Variants in INVS observed in about 807,000 individuals in gnomAD.
INVS encodes the protein inversion of embryo turning homolog.
A neutral mutation model predicts 108.8 loss-of-function variants in INVS; 86 were observed. That is an observed-to-expected ratio of 0.79 (90% CI 0.66 to 0.95). The LOEUF is 0.95. Among genes scored for constraint, INVS ranks in the 40% least tolerant of loss-of-function variants. The pLI, the probability that INVS is intolerant of heterozygous loss-of-function variation, is 0.00. For missense variants in INVS, 1,169 were observed against 1,297.4 expected, an observed-to-expected ratio of 0.90 and a Z score of 1.52; for synonymous variants, 455 against 473.5, an observed-to-expected ratio of 0.96 and a Z score of 0.51.
chr9:100,152,459 T>C (rs1298423121), intron 3 of INVS, among the ~76,000 whole-genome samples: 1 of 152,204 alleles, frequency 6.6e-6, no homozygotes, highest in African/African-American at 2.4e-5. Context: ...AAAATAAACT[T>C]CACTAATTTA....
chr9:100,114,152 T>C (rs369001588), intron 2 of INVS, among the ~76,000 whole-genome samples: 1 of 152,178 alleles, frequency 6.6e-6, no homozygotes, highest in Admixed American at 6.5e-5. Flanking sequence ...CGTATACAGT[T>C]ATTTAATTTT....
intron 3 of INVS, among the ~76,000 whole-genome samples, chr9:100,146,086 T>TC (rs34075098): frequency 0.066 from 9,987 of 151,638 alleles, 513 homozygotes; most frequent in Admixed American, 0.17. Flanking sequence ...CCAAGGGAGG[T>TC]CCCCCCGATC....
In INVS at chr9:100,300,558, T is replaced by C. The variant is rs780445470; in HGVS notation, c.3092-10T>C. 1 of 1,560,170 alleles carries C rather than the reference T, an allele frequency of 6.4e-7. No homozygotes were observed. The highest frequency in any genetic ancestry group is 1.1e-5 in the South Asian group (1 of 89,968). On this transcript the variant is annotated splice_polypyrimidine_tract_variant and intron_variant, in intron 16 of 16. Coordinates refer to ENST00000262457, the MANE Select transcript of INVS (RefSeq NM_014425.5). ...AACCTTAATATCTATCTGGTATTTGTTTTTAACAGTGAGCAACCTACAGTG... is the reference window on the plus strand; with the variant it reads ...AACCTTAATATCTATCTGGTATTTGCTTTTAACAGTGAGCAACCTACAGTG...
intron 13 of INVS, among the ~76,000 whole-genome samples, chr9:100,285,814 T>A (rs570104871): frequency 9.8e-5 from 15 of 152,296 alleles, no homozygotes; most frequent in African/African-American, 3.6e-4. Context: ...TATGCCAAAA[T>A]TCCAGACTCC....
At chr9:100,216,947 C>A (rs1409841660) in intron 3 of INVS, among the ~76,000 whole-genome samples, 2 of 152,186 alleles carry the variant, frequency 1.3e-5, no homozygotes, top group Non-Finnish European at 2.9e-5. Context: ...AGGGGGTCTT[C>A]TCACCCTTGA....
At chr9:100,260,294 ATTC>A (rs1345840097) in intron 10 of INVS, among the ~76,000 whole-genome samples, 1 of 147,096 alleles carries the variant, frequency 6.8e-6, no homozygotes, top group Admixed American at 7.0e-5. Context: ...GGTTCAAGCG[ATTC>A]TTCTGCCTCA....
At chr9:100,217,184 C>G (rs1487428426) in intron 3 of INVS, among the ~76,000 whole-genome samples, 4 of 152,094 alleles carry the variant, frequency 2.6e-5, no homozygotes, top group Admixed American at 1.3e-4. Context: ...GGGCACACAC[C>G]TATAATCCCA....
At chr9:100,129,353 T>G (rs954300477) in intron 3 of INVS, among the ~76,000 whole-genome samples, 29 of 150,792 alleles carry the variant, frequency 1.9e-4, no homozygotes, top group Non-Finnish European at 4.1e-4. Context: ...CACAAATTAG[T>G]TGGGCATGGT....
At position 100,224,763 on chromosome 9, in the gene INVS, C is replaced by T. The variant is rs2118393548; in HGVS notation, c.274-1299C>T. Among the ~76,000 whole-genome samples the T allele has an allele frequency of 1.3e-5, 2 of 152,110 alleles. 1 individual carries two copies. The highest frequency in any genetic ancestry group is 4.2e-4 in the South Asian group (2 of 4,812). ...CCCGAGTAACTGGGATTACAGGCGCCTGCCACCACGCCTGGCTAATTTTTG... is the reference window on the plus strand; with the variant it reads ...CCCGAGTAACTGGGATTACAGGCGCTTGCCACCACGCCTGGCTAATTTTTG... On this transcript the variant is annotated intron_variant, in intron 3 of 16. Transcript: ENST00000262457.
chr9:100,115,471 C>T (rs1479551988), intron 2 of INVS, among the ~76,000 whole-genome samples: 1 of 151,936 alleles, frequency 6.6e-6, no homozygotes, highest in East Asian at 1.9e-4. Context: ...GACCCCACAA[C>T]AGGCCCCAGT....
At chr9:100,265,195 G>A (rs895502949) in intron 11 of INVS, among the ~76,000 whole-genome samples, 2 of 151,898 alleles carry the variant, frequency 1.3e-5, no homozygotes, top group African/African-American at 4.8e-5. Context: ...CACCCACCTC[G>A]GCCTCCCAAA....
intron 2 of INVS, among the ~76,000 whole-genome samples, chr9:100,122,425 C>G (rs1260597751): frequency 1.3e-5 from 2 of 151,700 alleles, no homozygotes; most frequent in East Asian, 3.9e-4. Flanking sequence ...TATAATATCT[C>G]TATTTGTTTC....
chr9:100,199,878 C>G (rs1830487966), intron 3 of INVS, among the ~76,000 whole-genome samples: 1 of 152,144 alleles, frequency 6.6e-6, no homozygotes, highest in Non-Finnish European at 1.5e-5. Flanking sequence ...AATCATTTCT[C>G]AAATACTGTT....
chr9:100,174,042 G>A (rs1472913937), intron 3 of INVS, among the ~76,000 whole-genome samples: 1 of 152,202 alleles, frequency 6.6e-6, no homozygotes, highest in South Asian at 2.1e-4. Context: ...ATCATTTTCA[G>A]TGTCTAAGAT....
rs1438355327 is a variant in INVS at position 100,252,889 on chromosome 9, A to G, written c.1235-18A>G. 2.6e-6 allele frequency: 4 copies of G among 1,552,576 alleles called. No homozygotes were observed. The highest frequency in any genetic ancestry group is 2.7e-6 in the Non-Finnish European group (3 of 1,125,078). On this transcript the variant is annotated intron_variant, in intron 9 of 16. Coordinates refer to ENST00000262457, the MANE Select transcript of INVS (RefSeq NM_014425.5). ...GCTATTTATATTAGACATTCTCATT[A>G]TATTTGTGCTTTTCCAGGTGGAGCA...
intron 3 of INVS, among the ~76,000 whole-genome samples, chr9:100,212,040 A>G (rs755414971): frequency 5.9e-5 from 9 of 152,212 alleles, no homozygotes; most frequent in Non-Finnish European, 1.3e-4. Flanking sequence ...GGAAAAAGCA[A>G]TGCAGATTTC....
chr9:100,250,036 T>C (rs1294729143), intron 8 of INVS, among the ~76,000 whole-genome samples: 2 of 151,502 alleles, frequency 1.3e-5, no homozygotes, highest in East Asian at 2.0e-4. Context: ...ACCTGGGAGG[T>C]GGAGGTTGCA....
intron 3 of INVS, among the ~76,000 whole-genome samples, chr9:100,190,664 T>C (rs1830192885): frequency 6.6e-6 from 1 of 152,196 alleles, no homozygotes; most frequent in South Asian, 2.1e-4. Flanking sequence ...TGACAATTAT[T>C]CTGTTGAAGG....
intron 2 of INVS, chr9:100,117,413 T>G: frequency 1.3e-6 from 1 of 788,764 alleles, no homozygotes; most frequent in Admixed American, 1.7e-5. Flanking sequence ...GGACTTGATC[T>G]TCATGTCCTT....
Sources: gnomAD v4.1 joint callset for allele counts (sites outside exome capture counted in the v4.1 genomes callset) on GRCh38, gnomAD v4.1.1 for gene constraint, MANE v1.5 for transcripts, NCBI Gene and HGNC (gene_info 2026-07-23, HGNC 2026-07-21) for gene names.